NALF1: variants seen among roughly 807,000 people sequenced by gnomAD.
NALF1 encodes the protein NALCN channel auxiliary factor 1.
NALF1 carries 3 observed loss-of-function variants against 48.4 expected under a neutral mutation model. The ratio of observed to expected loss-of-function variants is 0.06; its 90% CI spans 0.03 to 0.16. NALF1 has a LOEUF of 0.16. Among genes scored for constraint, NALF1 ranks in the 10% least tolerant of loss-of-function variants. The probability of loss-of-function intolerance (pLI) is 1.00; values close to 1 mark genes in which losing one functional copy is unlikely to be tolerated. For missense variants in NALF1, 526 were observed against 571.5 expected, an observed-to-expected ratio of 0.92 and a Z score of 0.81; for synonymous variants, 262 against 245.7, an observed-to-expected ratio of 1.07 and a Z score of -0.62.
intron 1 of NALF1, among the ~76,000 whole-genome samples, chr13:107,326,659 T>G (rs1018036656): frequency 7.9e-5 from 12 of 152,066 alleles, no homozygotes; most frequent in Non-Finnish European, 1.5e-4. Context: ...TTAAAATGAG[T>G]GTTGAAGGTT....
chr13:107,623,699 T>G (rs1024655255), intron 1 of NALF1, among the ~76,000 whole-genome samples: 4 of 152,324 alleles, frequency 2.6e-5, no homozygotes, highest in African/African-American at 9.6e-5. Context: ...TGGCCTTCTG[T>G]GCTCCCTCAA....
chr13:107,561,009 C>T (rs1426059704), intron 1 of NALF1, among the ~76,000 whole-genome samples: 1 of 152,146 alleles, frequency 6.6e-6, no homozygotes, highest in Non-Finnish European at 1.5e-5. Context: ...TATTTTGTGT[C>T]ATTATACACG....
At position 107,218,529 on chromosome 13, in the gene NALF1, C is replaced by A. The variant is rs1205128858; in HGVS notation, c.916-7774G>T. Among the ~76,000 whole-genome samples the A allele has an allele frequency of 2.6e-5, 4 of 152,172 alleles. No individual in the cohort carries two copies. In the East Asian group the frequency reaches 7.7e-4, roughly 29 times the overall value. On this transcript the variant is annotated intron_variant, in intron 1 of 2. Transcript: ENST00000375915. ...CAGAGCAGAGACTCAAACCAGGAAC[C>A]CTGATGAGCCCCCAACATATTAAAT...
At chr13:107,260,143 G>A (rs1880901903) in intron 1 of NALF1, among the ~76,000 whole-genome samples, 5 of 152,120 alleles carry the variant, frequency 3.3e-5, no homozygotes, top group Admixed American at 3.3e-4. Context: ...AAATGAAGTC[G>A]GGTTGTCATG....
intron 1 of NALF1, among the ~76,000 whole-genome samples, chr13:107,618,978 A>G (rs1021319472): frequency 6.6e-6 from 1 of 152,244 alleles, no homozygotes; most frequent in Admixed American, 6.5e-5. Flanking sequence ...ACTATCCAAT[A>G]TCAGGAACAG....
chr13:107,684,485 T>G (rs1881382853), intron 1 of NALF1, among the ~76,000 whole-genome samples: 1 of 152,130 alleles, frequency 6.6e-6, no homozygotes. Context: ...AAATATGATT[T>G]GCTGCAGGAG....
intron 1 of NALF1, among the ~76,000 whole-genome samples, chr13:107,264,923 AC>A (rs1881009903): frequency 6.6e-6 from 1 of 152,104 alleles, no homozygotes; most frequent in African/African-American, 2.4e-5. Context: ...CTGATTTTTC[AC>A]TCTTTCAAAC....
intron 2 of NALF1, among the ~76,000 whole-genome samples, chr13:107,182,029 A>G (rs942658079): frequency 2.0e-5 from 3 of 151,824 alleles, no homozygotes; most frequent in Non-Finnish European, 2.9e-5. Context: ...TTTTCTCTGT[A>G]TCACATTCTT....
intron 1 of NALF1, among the ~76,000 whole-genome samples, chr13:107,216,755 A>T (rs544642455): frequency 6.6e-6 from 1 of 152,048 alleles, no homozygotes; most frequent in Non-Finnish European, 1.5e-5. Flanking sequence ...GTGCCCATCC[A>T]CGCCAGCATC....
At chr13:107,238,325 G>A (rs1880395343) in intron 1 of NALF1, among the ~76,000 whole-genome samples, 1 of 152,154 alleles carries the variant, frequency 6.6e-6, no homozygotes, top group Admixed American at 6.5e-5. Flanking sequence ...ACTTTGAATG[G>A]CATCCAATCA....
intron 1 of NALF1, among the ~76,000 whole-genome samples, chr13:107,741,403 G>A (rs1876628895): frequency 6.6e-6 from 1 of 152,132 alleles, no homozygotes; most frequent in Non-Finnish European, 1.5e-5. Flanking sequence ...ATAAAGTGAA[G>A]ATATATAAAG....
At chr13:107,407,174 A>G (rs931631930) in intron 1 of NALF1, among the ~76,000 whole-genome samples, 1 of 152,084 alleles carries the variant, frequency 6.6e-6, no homozygotes, top group African/African-American at 2.4e-5. Context: ...CTAAAAGAGA[A>G]CATTGGGGAA....
intron 1 of NALF1, among the ~76,000 whole-genome samples, chr13:107,612,289 G>GTTCA (rs1467037760): frequency 1.3e-5 from 2 of 152,126 alleles, no homozygotes; most frequent in African/African-American, 4.8e-5. Context: ...CAGGGTTGCT[G>GTTCA]TTCAGTAGGT....
Position 107,807,522 on chromosome 13 carries a change from A to C in NALF1, c.915+58160T>G, listed in dbSNP as rs74112609. On this transcript the variant is annotated intron_variant, in intron 1 of 2. Coordinates refer to ENST00000375915, the MANE Select transcript of NALF1 (RefSeq NM_001080396.3). ...TGGCTGCCAGCCAAGAAGCACTTGT[A>C]GATTTTATATTATTCTTTCCACACT... is the stretch of plus-strand genomic sequence containing the variant. Among the ~76,000 whole-genome samples, 357 of 152,334 alleles carry C rather than the reference A, an allele frequency of 2.3e-3. 2 individuals are homozygous for C. The highest frequency in any genetic ancestry group is 8.2e-3 in the African/African-American group (342 of 41,586).
chr13:107,224,994 ATT>A (rs1880072647), intron 1 of NALF1, among the ~76,000 whole-genome samples: 1 of 59,332 alleles, frequency 1.7e-5, no homozygotes, highest in Admixed American at 2.1e-4. Flanking sequence ...ATTTATTTTT[ATT>A]TTATTTTATT....
intron 1 of NALF1, among the ~76,000 whole-genome samples, chr13:107,336,226 G>C (rs984435287): frequency 1.3e-5 from 2 of 151,970 alleles, no homozygotes; most frequent in Non-Finnish European, 2.9e-5. Context: ...GGTGGTGCAT[G>C]CCTGTAATCC....
rs778929421 is a variant in NALF1 at position 107,866,874 on chromosome 13, C to T, written c.-278G>A. ...CTTCCTAATCATCAGCCGACCCCAT[C>T]CTCTGTAGAGTGGGAAACAATAATG... On this transcript the variant is annotated 5_prime_UTR_variant, in exon 1 of 3. Transcript: ENST00000375915. The surrounding 1 kb of genome is among the most constrained non-coding windows in gnomAD (Gnocchi z 4.4). 11 of 485,562 alleles carry T rather than the reference C, an allele frequency of 2.3e-5. No individual in the cohort carries two copies. The highest frequency in any genetic ancestry group is 5.8e-5 in the South Asian group (2 of 34,256). The allele number at this position is 485,562 out of a possible 1,614,324, so 30.1% of individuals were successfully genotyped here. A position where few individuals can be genotyped will look rare whatever the true frequency, so the allele number is the denominator to read the frequency against.
intron 1 of NALF1, among the ~76,000 whole-genome samples, chr13:107,634,864 G>A (rs1879932719): frequency 6.6e-6 from 1 of 152,078 alleles, no homozygotes; most frequent in African/African-American, 2.4e-5. Flanking sequence ...ATGGGAACTG[G>A]ATATAATGAG....
chr13:107,299,665 T>C (rs1203076950), intron 1 of NALF1, among the ~76,000 whole-genome samples: 1 of 149,960 alleles, frequency 6.7e-6, no homozygotes, highest in African/African-American at 2.5e-5. Flanking sequence ...AACTCATCTG[T>C]AAGGAAGAAC....
Sources: allele counts gnomAD v4.1 joint callset (sites outside exome capture counted in the v4.1 genomes callset), GRCh38; gene constraint gnomAD v4.1.1; non-coding constraint Gnocchi (gnomAD v3.1); transcripts MANE v1.5; gene names NCBI Gene and HGNC (gene_info 2026-07-23, HGNC 2026-07-21).